ETV6: variants seen among roughly 807,000 people sequenced by gnomAD.
The protein encoded by ETV6 is ETS variant transcription factor 6.
In ETV6, 16 loss-of-function variants were observed where a neutral mutation model predicts 51.1. That is an observed-to-expected ratio of 0.31 (90% CI 0.21 to 0.48). ETV6 has a LOEUF of 0.48. Ranked by LOEUF, ETV6 falls within the 20% of genes least tolerant of loss-of-function variation. ETV6 has a pLI of 0.99. For missense variants in ETV6, 458 were observed against 594.8 expected, an observed-to-expected ratio of 0.77 and a Z score of 2.39; for synonymous variants, 240 against 224.1, an observed-to-expected ratio of 1.07 and a Z score of -0.64.
At chr12:11,731,545 A>T (rs1232198920) in intron 1 of ETV6, among the ~76,000 whole-genome samples, 1 of 151,752 alleles carries the variant, frequency 6.6e-6, no homozygotes, top group Non-Finnish European at 1.5e-5. Context: ...AGAAAGAATA[A>T]TTTTTTTTCT....
At chr12:11,686,478 G>C (rs1000989252) in intron 1 of ETV6, among the ~76,000 whole-genome samples, 6 of 152,190 alleles carry the variant, frequency 3.9e-5, no homozygotes, top group Non-Finnish European at 5.9e-5. Context: ...GTCAGAAAAG[G>C]GTCTGGGATG....
intron 2 of ETV6, among the ~76,000 whole-genome samples, chr12:11,823,167 G>A (rs1374549217): frequency 6.6e-6 from 1 of 152,124 alleles, no homozygotes; most frequent in Non-Finnish European, 1.5e-5. Context: ...TTTCTGAGAT[G>A]AGCAGCTGGA....
intron 2 of ETV6, among the ~76,000 whole-genome samples, chr12:11,819,891 A>G (rs1190897510): frequency 6.6e-6 from 1 of 152,212 alleles, no homozygotes; most frequent in Non-Finnish European, 1.5e-5. Context: ...TTTGAAAACA[A>G]TATCCGATTA....
intron 1 of ETV6, among the ~76,000 whole-genome samples, chr12:11,655,335 G>A (rs776323685): frequency 2.2e-4 from 33 of 152,154 alleles, no homozygotes; most frequent in Non-Finnish European, 3.8e-4. Context: ...ACCAATCTCC[G>A]TGTGTATTTG....
rs147273403 is a variant in ETV6 at position 11,892,656 on chromosome 12, T to C, written c.*1610T>C. On this transcript the variant is annotated 3_prime_UTR_variant, in exon 8 of 8. Coordinates refer to ENST00000396373, the MANE Select transcript of ETV6 (RefSeq NM_001987.5). ...GTTCCCCTCTGTTTCCTCTACTCAG[T>C]TGGGGGAGAAACTCACAGCTCCTCC... 1.8e-3 allele frequency: 423 copies of C among 233,170 alleles called. 11 individuals are homozygous for C. The East Asian group carries it at 0.022, about 12-fold the overall frequency. 14.4% of individuals were successfully genotyped at this position (233,170 alleles called of 1,614,324 possible).
chr12:11,655,728 A>G (rs552217420), intron 1 of ETV6, among the ~76,000 whole-genome samples: 1 of 152,238 alleles, frequency 6.6e-6, no homozygotes, highest in African/African-American at 2.4e-5. Context: ...GTAAAAATAC[A>G]GAGTTCAGCC....
At chr12:11,884,625 C>A (rs750835686) in intron 6 of ETV6, 38 bp downstream of exon 6, 1 of 1,610,874 alleles carries the variant, frequency 6.2e-7, no homozygotes, top group Non-Finnish European at 8.5e-7. Flanking sequence ...TAAACTAGTG[C>A]CAAAATGAAG....
chr12:11,668,870 A>G (rs1864249426), intron 1 of ETV6, among the ~76,000 whole-genome samples: 1 of 152,064 alleles, frequency 6.6e-6, no homozygotes, highest in Non-Finnish European at 1.5e-5. Context: ...GGGCCAGCAG[A>G]CTGGTTCCTT....
At chr12:11,676,995 G>A (rs1446908392) in intron 1 of ETV6, among the ~76,000 whole-genome samples, 1 of 152,202 alleles carries the variant, frequency 6.6e-6, no homozygotes, top group Non-Finnish European at 1.5e-5. Flanking sequence ...CTTATGCAGG[G>A]AAAACAATAT....
intron 1 of ETV6, among the ~76,000 whole-genome samples, chr12:11,655,189 G>T (rs749378704): frequency 4.2e-5 from 6 of 141,844 alleles, no homozygotes; most frequent in Non-Finnish European, 9.4e-5. Context: ...TTCAGTGTCA[G>T]ATGAAGCCCC....
intron 1 of ETV6, among the ~76,000 whole-genome samples, chr12:11,706,096 C>T (rs963506180): frequency 6.6e-6 from 1 of 152,218 alleles, no homozygotes; most frequent in Non-Finnish European, 1.5e-5. Flanking sequence ...TGATAGGAAG[C>T]GAACGTTCCT....
intron 1 of ETV6, among the ~76,000 whole-genome samples, chr12:11,744,998 G>T (rs1201152096): frequency 6.6e-6 from 1 of 151,974 alleles, no homozygotes; most frequent in African/African-American, 2.4e-5. Flanking sequence ...TAAAGAAGTC[G>T]ATTTAAGTTT....
Position 11,891,960 on chromosome 12 carries a change from A to C in ETV6, c.*914A>C, listed in dbSNP as rs967091023. On this transcript the variant is annotated 3_prime_UTR_variant, in exon 8 of 8. Coordinates refer to ENST00000396373, the MANE Select transcript of ETV6 (RefSeq NM_001987.5). ...GTGAGAACCATGTGTCTAAGGCGTA[A>C]GATAAGGATGGAAGGCTGTCCAAGT... The C allele has an allele frequency of 1.7e-5, 4 of 238,930 alleles. No homozygotes were observed. Among genetic ancestry groups the C allele is most frequent in the African/African-American group, 8.8e-5 (4 of 45,518 alleles). 14.8% of individuals were successfully genotyped at this position (238,930 alleles called of 1,614,324 possible).
chr12:11,758,630 G>A (rs894060831), intron 2 of ETV6, among the ~76,000 whole-genome samples: 2 of 152,120 alleles, frequency 1.3e-5, no homozygotes, highest in African/African-American at 4.8e-5. Flanking sequence ...GTTCTCGCCT[G>A]AATCTGTGAA....
At position 11,869,667 on chromosome 12, in the gene ETV6, C is replaced by T; in HGVS notation, c.707C>T (p.Ser236Leu). The change falls in exon 5 of 8, where the codon TCA becomes TTA. Residue 236 changes from serine (S) to leucine (L), a missense_variant. Physicochemically the swap from Ser to Leu is moderately radical, Grantham distance 145. Transcript: ENST00000396373. The surrounding 1 kb of genome is among the most constrained non-coding windows in gnomAD (Gnocchi z 5.0). The part of the protein sequence containing the change: ...ENNHQESYPL[S>L]VSPMENNHCP... ...AACCACCAGGAGTCCTACCCTCTGTCAGTGTCTCCCATGGAGAATAATCAC... is the reference window on the plus strand; with the variant it reads ...AACCACCAGGAGTCCTACCCTCTGTTAGTGTCTCCCATGGAGAATAATCAC... The T allele has an allele frequency of 6.2e-7, 1 of 1,614,204 alleles. No homozygotes were observed. Among genetic ancestry groups the T allele is most frequent in the South Asian group, 1.1e-5 (1 of 91,082 alleles).
At chr12:11,800,630 A>G (rs1273778454) in intron 2 of ETV6, among the ~76,000 whole-genome samples, 1 of 152,122 alleles carries the variant, frequency 6.6e-6, no homozygotes, top group Non-Finnish European at 1.5e-5. Context: ...CGTGTAATAT[A>G]TATCTTTTCA....
chr12:11,720,926 T>A (rs1426772356), intron 1 of ETV6, among the ~76,000 whole-genome samples: 1 of 152,084 alleles, frequency 6.6e-6, no homozygotes, highest in African/African-American at 2.4e-5. Context: ...AACAGACACC[T>A]CTTAAAAGAA....
At chr12:11,700,793 G>T (rs1299962883) in intron 1 of ETV6, among the ~76,000 whole-genome samples, 1 of 152,132 alleles carries the variant, frequency 6.6e-6, no homozygotes. Flanking sequence ...GGGTGGCAGA[G>T]GTGGAAGATG....
chr12:11,750,748 T>A (rs140755469), intron 1 of ETV6: 128 of 452,052 alleles, frequency 2.8e-4, no homozygotes, highest in East Asian at 2.2e-3. Flanking sequence ...CCACCTCACC[T>A]TTAAAAACCT....
Sources: gnomAD v4.1 joint callset for allele counts (sites outside exome capture counted in the v4.1 genomes callset) on GRCh38, gnomAD v4.1.1 for gene constraint, Gnocchi (gnomAD v3.1) non-coding constraint, MANE v1.5 for transcripts, NCBI Gene and HGNC (gene_info 2026-07-23, HGNC 2026-07-21) for gene names.